Variants in ZDHHC20 observed in about 807,000 individuals in gnomAD.
ZDHHC20 encodes the protein palmitoyltransferase ZDHHC20.
A neutral mutation model predicts 57.8 loss-of-function variants in ZDHHC20; 43 were observed. The observed-to-expected ratio is 0.74, with a 90% CI of 0.58 to 0.96. The LOEUF is 0.96. Ranked by LOEUF, ZDHHC20 falls within the 40% of genes least tolerant of loss-of-function variation. The pLI, the probability that ZDHHC20 is intolerant of heterozygous loss-of-function variation, is 0.00. For synonymous variants in ZDHHC20, 157 were observed against 153.0 expected (o/e 1.03, Z -0.19); for missense variants, 391 against 441.1 (o/e 0.89, Z 1.02).
At chr13:21,401,747 A>C in intron 5 of ZDHHC20, 62 bp from the exon 6 acceptor site, 18 of 1,415,988 alleles carry the variant, frequency 1.3e-5, no homozygotes, top group Non-Finnish European at 1.6e-5. Flanking sequence ...CTAACTTCTC[A>C]TAATTTTCTT....
At chr13:21,409,567 T>C (rs1459659242) in intron 4 of ZDHHC20, among the ~76,000 whole-genome samples, 1 of 152,212 alleles carries the variant, frequency 6.6e-6, no homozygotes. Context: ...CCATATTTCT[T>C]GGAGGCTCTG....
chr13:21,432,116 A>T lies in ZDHHC20; in HGVS notation c.119-6438T>A, dbSNP rs955055596. 2.0e-5 allele frequency among the ~76,000 whole-genome samples: 3 copies of T among 152,034 alleles called. No homozygotes were observed. In the South Asian group the frequency reaches 6.2e-4, roughly 31 times the overall value. ...TTTCATTTTCATTTTATATCATTTC[A>T]TATTTTTTATTATTTTTGAGACAGA... On this transcript the variant is annotated intron_variant, in intron 1 of 12. Transcript: ENST00000400590.
rs752246160 is a variant in ZDHHC20, at chr13:21,373,492, A to G, written c.*3204T>C. ...TTTTAAAAAAATCATCCTTACGTAT[A>G]GATGAAAATAAACTTTGTAAACTTG... is the stretch of plus-strand genomic sequence containing the variant. On this transcript the variant is annotated 3_prime_UTR_variant, in exon 13 of 13. Transcript: ENST00000400590. 1 of 152,244 alleles carries G rather than the reference A, an allele frequency of 6.6e-6. No individual in the cohort carries two copies. The highest frequency in any genetic ancestry group is 1.5e-5 in the Non-Finnish European group (1 of 68,032). 9.4% of individuals were successfully genotyped at this position (152,244 alleles called of 1,614,324 possible). A position where few individuals can be genotyped will look rare whatever the true frequency, so the allele number is the denominator to read the frequency against.
At chr13:21,458,198 A>T (rs1269843645) in intron 1 of ZDHHC20, among the ~76,000 whole-genome samples, 1 of 152,200 alleles carries the variant, frequency 6.6e-6, no homozygotes. Context: ...CTTAAAGGCA[A>T]CCAATTCAAG....
rs1168237599 is a variant in ZDHHC20, at chr13:21,448,646, G to A, written c.118+10408C>T. 7.3e-5 allele frequency among the ~76,000 whole-genome samples: 7 copies of A among 96,500 alleles called. 1 individual carries two copies. Among genetic ancestry groups the A allele is most frequent in the East Asian group, 2.3e-4 (1 of 4,320 alleles). 63.3% of individuals were successfully genotyped at this position (96,500 alleles called of 152,430 possible). On this transcript the variant is annotated intron_variant, in intron 1 of 12. Transcript: ENST00000400590. ...CCGCCCCGTCCGGGAGGTGAGGGGC[G>A]CCTCTGCCCGGCTGCCCCTACTGGG...
chr13:21,392,936 G>A (rs1172323336), intron 7 of ZDHHC20, among the ~76,000 whole-genome samples: 6 of 152,166 alleles, frequency 3.9e-5, no homozygotes, highest in East Asian at 1.9e-4. Context: ...TCATGAGAAT[G>A]TCATGGTAAT....
At chr13:21,456,380 A>G (rs1884930766) in intron 1 of ZDHHC20, among the ~76,000 whole-genome samples, 1 of 152,246 alleles carries the variant, frequency 6.6e-6, no homozygotes, top group African/African-American at 2.4e-5. Flanking sequence ...ATTGCACTCC[A>G]GCCTGGGCAA....
chr13:21,378,778 A>C, intron 11 of ZDHHC20, 40 bp from the exon 12 acceptor site: 2 of 1,206,866 alleles, frequency 1.7e-6, no homozygotes, highest in Non-Finnish European at 2.2e-6. Context: ...CAAAAAAAAA[A>C]AAAAAAAGAA....
chr13:21,434,325 G>A (rs978476043), intron 1 of ZDHHC20, among the ~76,000 whole-genome samples: 4 of 139,990 alleles, frequency 2.9e-5, no homozygotes, highest in African/African-American at 7.5e-5. Context: ...CAATAATCTC[G>A]AGATAATGAC....
Position 21,378,667 on chromosome 13 carries a change from C to A in ZDHHC20, c.*34G>T. ...TACCTTTATACTGTCTTACCTTGCT[C>A]TTATTCAAATGGTTAGTTATGAACA... On this transcript the variant is annotated 3_prime_UTR_variant, in exon 12 of 13. Coordinates refer to ENST00000400590, the MANE Select transcript of ZDHHC20 (RefSeq NM_001330059.2). 1 of 1,426,806 alleles carries A rather than the reference C, an allele frequency of 7.0e-7. No homozygotes were observed. The highest frequency in any genetic ancestry group is 9.2e-7 in the Non-Finnish European group (1 of 1,081,104). 88.4% of individuals were successfully genotyped at this position (1,426,806 alleles called of 1,614,324 possible).
At chr13:21,376,887 C>G in intron 12 of ZDHHC20, 2 of 279,384 alleles carry the variant, frequency 7.2e-6, no homozygotes, top group South Asian at 1.4e-4. Flanking sequence ...AAGAATCTTA[C>G]AGTACTCCCA....
At chr13:21,399,822 C>T (rs1354512579) in intron 7 of ZDHHC20, among the ~76,000 whole-genome samples, 1 of 152,112 alleles carries the variant, frequency 6.6e-6, no homozygotes, top group Non-Finnish European at 1.5e-5. Flanking sequence ...GATCACTTCA[C>T]ATCATTTGTT....
rs1348481405 is a variant in ZDHHC20, at chr13:21,448,583, G to A, written c.118+10471C>T. 7.7e-5 allele frequency among the ~76,000 whole-genome samples: 7 copies of A among 91,222 alleles called. No individual in the cohort carries two copies. In the South Asian group the frequency reaches 9.5e-4, roughly 12 times the overall value. 59.8% of individuals were successfully genotyped at this position (91,222 alleles called of 152,430 possible). A position where few individuals can be genotyped will look rare whatever the true frequency, so the allele number is the denominator to read the frequency against. The stretch of plus-strand genomic sequence containing the variant: ...CTCTGCCCGGCCAGCCGCCCCGTCC[G>A]GGAGGGAGGTGGGGGGGTCAGCCCC... On this transcript the variant is annotated intron_variant, in intron 1 of 12. Transcript: ENST00000400590.
At chr13:21,402,168 T>C (rs1328149546) in intron 5 of ZDHHC20, among the ~76,000 whole-genome samples, 1 of 152,204 alleles carries the variant, frequency 6.6e-6, no homozygotes, top group African/African-American at 2.4e-5. Context: ...ATGGCCCCTA[T>C]GTTATTTTAA....
At chr13:21,410,712 C>G (rs866143326) in intron 4 of ZDHHC20, among the ~76,000 whole-genome samples, 6 of 152,182 alleles carry the variant, frequency 3.9e-5, no homozygotes, top group African/African-American at 4.8e-5. Context: ...CCCCTCCCCC[C>G]ACCAAGCTCC....
At chr13:21,407,971 G>C (rs1360692542) in intron 4 of ZDHHC20, among the ~76,000 whole-genome samples, 3 of 152,046 alleles carry the variant, frequency 2.0e-5, no homozygotes, top group African/African-American at 7.2e-5. Context: ...TTGTTCCATT[G>C]GTCTATATAT....
At chr13:21,401,813 C>T in intron 5 of ZDHHC20, 128 bp from the exon 6 acceptor site, 1 of 773,486 alleles carries the variant, frequency 1.3e-6, no homozygotes, top group Non-Finnish European at 2.0e-6. Context: ...AACCCAGAAA[C>T]TAGGTTAGAG....
intron 1 of ZDHHC20, among the ~76,000 whole-genome samples, chr13:21,441,438 T>C (rs1352526287): frequency 6.6e-6 from 1 of 150,804 alleles, no homozygotes; most frequent in Admixed American, 6.6e-5. Context: ...CAGGCTGGAG[T>C]GCAGTGGCGC....
In ZDHHC20 at chr13:21,376,640, T is replaced by C; in HGVS notation, c.*56A>G. On this transcript the variant is annotated 3_prime_UTR_variant, in exon 13 of 13. Transcript: ENST00000400590. ...AATGAAAATTGAAAATACCAGTCTA[T>C]AATGTTTTCATACACCTACAAAAAA... The C allele has an allele frequency of 1.4e-6, 2 of 1,408,570 alleles. No individual in the cohort carries two copies. Among genetic ancestry groups the C allele is most frequent in the East Asian group, 5.2e-5 (2 of 38,426 alleles). The allele number at this position is 1,408,570 out of a possible 1,614,324, so 87.3% of individuals were successfully genotyped here.
Sources: gnomAD v4.1 joint callset for allele counts (sites outside exome capture counted in the v4.1 genomes callset) on GRCh38, gnomAD v4.1.1 for gene constraint, MANE v1.5 for transcripts, NCBI Gene and HGNC (gene_info 2026-07-23, HGNC 2026-07-21) for gene names.